Variants in CIMIP1 observed in about 807,000 individuals in gnomAD.
CIMIP1 encodes the protein low in lung cancer 1.
the CIMIP1 span, chr20:58,155,367 C>T: frequency 2.2e-6 from 2 of 909,994 alleles, no homozygotes; most frequent in Admixed American, 2.4e-5. Flanking sequence ...GGAGGACACT[C>T]CCCCAGCTTC....
chr20:58,160,675 C>G, the CIMIP1 span: 20 of 1,613,864 alleles, frequency 1.2e-5, no homozygotes, highest in Non-Finnish European at 1.6e-5. Flanking sequence ...TTCCATCCCC[C>G]CCAGTCCCAC....
chr20:58,158,271 G>A, the CIMIP1 span, among the ~76,000 whole-genome samples: 1 of 152,228 alleles, frequency 6.6e-6, no homozygotes, highest in African/African-American at 2.4e-5. Context: ...AGCCTGTGGG[G>A]TGGCAGGGGT....
At chr20:58,150,989 G>A in the CIMIP1 span, 5 of 1,608,986 alleles carry the variant, frequency 3.1e-6, no homozygotes, top group South Asian at 3.3e-5. Context: ...TCTCAGCACC[G>A]CGGCGGCTGA....
the CIMIP1 span, chr20:58,151,024 T>G: frequency 3.2e-4 from 511 of 1,604,568 alleles, 1 homozygote; most frequent in Non-Finnish European, 3.6e-4. Flanking sequence ...TGGGTCAGGA[T>G]GAGATCTGGT....
the CIMIP1 span, chr20:58,155,489 C>T: frequency 1.2e-6 from 2 of 1,614,000 alleles, no homozygotes; most frequent in Admixed American, 1.7e-5. Flanking sequence ...TGAAGAAGAT[C>T]TCCCCACCCC....
the CIMIP1 span, among the ~76,000 whole-genome samples, chr20:58,158,446 T>A: frequency 2.6e-5 from 4 of 152,220 alleles, no homozygotes; most frequent in East Asian, 7.7e-4. Context: ...GTCAGGAGAT[T>A]GAGACCATCC....
the CIMIP1 span, among the ~76,000 whole-genome samples, chr20:58,151,725 A>T: frequency 1.3e-4 from 20 of 152,156 alleles, no homozygotes; most frequent in South Asian, 8.3e-4. Context: ...ATTTTTTTTT[A>T]AAAAAAGAAA....
At chr20:58,158,382 G>A in the CIMIP1 span, among the ~76,000 whole-genome samples, 2 of 152,246 alleles carry the variant, frequency 1.3e-5, no homozygotes, top group South Asian at 2.1e-4. Flanking sequence ...CCGGGCCAGT[G>A]GCTCAAGCCT....
At chr20:58,160,217 T>A in the CIMIP1 span, among the ~76,000 whole-genome samples, 1 of 152,200 alleles carries the variant, frequency 6.6e-6, no homozygotes, top group Non-Finnish European at 1.5e-5. Context: ...TTTTCATTCC[T>A]GTGATCTCCA....
chr20:58,151,106 C>G, the CIMIP1 span: 1 of 1,390,184 alleles, frequency 7.2e-7, no homozygotes, highest in Non-Finnish European at 1.0e-6. Flanking sequence ...GTCTCAGTTT[C>G]CCCACCAAGT....
the CIMIP1 span, among the ~76,000 whole-genome samples, chr20:58,154,290 C>G: frequency 6.6e-6 from 1 of 152,166 alleles, no homozygotes; most frequent in Non-Finnish European, 1.5e-5. Context: ...AGCATGAGCC[C>G]AGCCAAGTGA....
chr20:58,160,212 A>AT, the CIMIP1 span, among the ~76,000 whole-genome samples: 10 of 152,154 alleles, frequency 6.6e-5, no homozygotes, highest in Admixed American at 6.5e-4. Flanking sequence ...GTTGCTTTTC[A>AT]TTCCTGTGAT....
At chr20:58,152,456 G>A in the CIMIP1 span, among the ~76,000 whole-genome samples, 7 of 151,762 alleles carry the variant, frequency 4.6e-5, no homozygotes, top group African/African-American at 1.7e-4. Context: ...TTAAGTGACT[G>A]TCAGCCGGAT....
chr20:58,158,226 A>G, the CIMIP1 span, among the ~76,000 whole-genome samples: 2 of 152,216 alleles, frequency 1.3e-5, no homozygotes, highest in Non-Finnish European at 2.9e-5. Context: ...GTCTAGGAGC[A>G]AGGGCCAGCT....
At chr20:58,151,476 C>T in the CIMIP1 span, among the ~76,000 whole-genome samples, 1 of 151,988 alleles carries the variant, frequency 6.6e-6, no homozygotes, top group Non-Finnish European at 1.5e-5. Flanking sequence ...TGCAGTGGCG[C>T]GATCTCGGCT....
the CIMIP1 span, chr20:58,153,585 G>A: frequency 6.2e-7 from 1 of 1,614,170 alleles, no homozygotes; most frequent in Non-Finnish European, 8.5e-7. Flanking sequence ...CGGCAGAACT[G>A]GCCCCAGAAC....
chr20:58,154,504 A>G, the CIMIP1 span, among the ~76,000 whole-genome samples: 4 of 152,210 alleles, frequency 2.6e-5, no homozygotes, highest in African/African-American at 9.6e-5. Context: ...CAGTCAAAGT[A>G]TCTATGATTC....
At chr20:58,158,988 A>C in the CIMIP1 span, among the ~76,000 whole-genome samples, 4 of 152,146 alleles carry the variant, frequency 2.6e-5, no homozygotes, top group African/African-American at 4.8e-5. Flanking sequence ...CACACATTGC[A>C]TGGATGGGCC....
At chr20:58,158,898 G>A in the CIMIP1 span, among the ~76,000 whole-genome samples, 1 of 152,230 alleles carries the variant, frequency 6.6e-6, no homozygotes, top group Admixed American at 6.5e-5. Context: ...TACACAGCTT[G>A]TACCATACTT....
Sources: allele counts gnomAD v4.1 joint callset (sites outside exome capture counted in the v4.1 genomes callset), GRCh38; gene constraint gnomAD v4.1.1; transcripts MANE v1.5; gene names NCBI Gene and HGNC (gene_info 2026-07-23, HGNC 2026-07-21).